Variants in LHFPL3 observed in about 807,000 individuals in gnomAD.
LHFPL3 encodes LHFPL tetraspan subfamily member 3 protein.
A neutral mutation model predicts 19.3 loss-of-function variants in LHFPL3; 5 were observed. That is an observed-to-expected ratio of 0.26 (90% CI 0.14 to 0.54). LHFPL3 has a LOEUF of 0.54. LHFPL3 is among the 20% of genes least tolerant of loss of function. The pLI is 0.94. For synonymous variants in LHFPL3, 133 were observed against 126.2 expected (o/e 1.05, Z -0.36); for missense variants, 249 against 307.4 (o/e 0.81, Z 1.42).
chr7:104,827,129 G>C (rs2116545052), intron 2 of LHFPL3, among the ~76,000 whole-genome samples: 1 of 152,026 alleles, frequency 6.6e-6, no homozygotes, highest in East Asian at 1.9e-4. Context: ...CAAAACCCAG[G>C]CTTCTTGATT....
At chr7:104,433,440 T>G (rs1341096729) in intron 1 of LHFPL3, among the ~76,000 whole-genome samples, 1 of 152,110 alleles carries the variant, frequency 6.6e-6, no homozygotes, top group East Asian at 1.9e-4. Flanking sequence ...TCCCCTTACT[T>G]CCCAGCTAAA....
chr7:104,443,438 A>G (rs1241286831), intron 1 of LHFPL3, among the ~76,000 whole-genome samples: 1 of 152,178 alleles, frequency 6.6e-6, no homozygotes, highest in Non-Finnish European at 1.5e-5. Flanking sequence ...ATCAAGCGCC[A>G]CTAGACATCT....
rs375683717 is a variant in LHFPL3, at chr7:104,457,513, G to A, written c.445+128289G>A. 6.9e-3 allele frequency among the ~76,000 whole-genome samples: 1,043 copies of A among 151,300 alleles called. 36 individuals are homozygous for A. In the East Asian group the frequency reaches 0.12, roughly 17 times the overall value. On this transcript the variant is annotated intron_variant, in intron 1 of 2. Transcript: ENST00000424859. The stretch of plus-strand genomic sequence containing the variant: ...CCACATTTTCTTAATCCAGTCTATC[G>A]TTGTTGGACATTTGGGTTGGTTCCA...
intron 2 of LHFPL3, among the ~76,000 whole-genome samples, chr7:104,840,463 A>G (rs946430304): frequency 3.4e-5 from 4 of 118,450 alleles, no homozygotes; most frequent in Admixed American, 8.9e-5. Context: ...CACCATGCTA[A>G]TTTTCTTTTC....
chr7:104,539,016 AG>A (rs1359167458), intron 1 of LHFPL3, among the ~76,000 whole-genome samples: 1 of 152,202 alleles, frequency 6.6e-6, no homozygotes, highest in Non-Finnish European at 1.5e-5. Flanking sequence ...ATTGGCCACA[AG>A]TCAAGGAATT....
At chr7:104,444,755 G>A (rs932673086) in intron 1 of LHFPL3, among the ~76,000 whole-genome samples, 15 of 152,122 alleles carry the variant, frequency 9.9e-5, no homozygotes, top group South Asian at 2.1e-4. Context: ...TTGGGAGGCC[G>A]AGGCAGGCAG....
intron 1 of LHFPL3, among the ~76,000 whole-genome samples, chr7:104,465,925 G>A (rs1792774623): frequency 6.6e-6 from 1 of 152,184 alleles, no homozygotes; most frequent in African/African-American, 2.4e-5. Context: ...ATTTCACTGT[G>A]ATCTGAGGGT....
At chr7:104,622,212 G>A (rs2193210) in intron 1 of LHFPL3, among the ~76,000 whole-genome samples, 150,932 of 152,280 alleles carry the variant, frequency 0.99, 74,803 homozygotes, top group South Asian at 1. Flanking sequence ...GGCTCAGCCA[G>A]TCCTCTCACC....
intron 1 of LHFPL3, among the ~76,000 whole-genome samples, chr7:104,365,790 A>AAAAAATAAATAAATAAATAAATAAAAT (rs1562875960): frequency 7.3e-6 from 1 of 137,834 alleles, no homozygotes; most frequent in South Asian, 2.3e-4. Context: ...TCCGTCTCAA[A>AAAAAATAAATAAATAAATAAATAAAAT]AAAAAAAAAA....
intron 1 of LHFPL3, among the ~76,000 whole-genome samples, chr7:104,589,339 CA>C (rs1196173890): frequency 6.6e-6 from 1 of 152,128 alleles, no homozygotes; most frequent in Non-Finnish European, 1.5e-5. Context: ...TGAATTTTGT[CA>C]AAGGACTTTT....
chr7:104,794,346 A>G (rs78081767), intron 2 of LHFPL3, among the ~76,000 whole-genome samples: 38,133 of 152,108 alleles, frequency 0.25, 5,520 homozygotes, highest in South Asian at 0.39. Context: ...AAGAACAATC[A>G]AAACATGGGC....
intron 1 of LHFPL3, among the ~76,000 whole-genome samples, chr7:104,448,367 C>T (rs1407431165): frequency 6.6e-6 from 1 of 152,172 alleles, no homozygotes; most frequent in Non-Finnish European, 1.5e-5. Context: ...TCTTCCTTGG[C>T]AGGCACAGAC....
intron 1 of LHFPL3, among the ~76,000 whole-genome samples, chr7:104,607,337 C>G (rs1044619778): frequency 3.9e-5 from 6 of 152,192 alleles, no homozygotes; most frequent in Admixed American, 1.3e-4. Flanking sequence ...AATGGAGTTT[C>G]AATCACAGAG....
chr7:104,492,663 T>G (rs1386604577), intron 1 of LHFPL3, among the ~76,000 whole-genome samples: 3 of 152,274 alleles, frequency 2.0e-5, no homozygotes, highest in African/African-American at 7.2e-5. Flanking sequence ...GAAAATTTAT[T>G]CTGCTTTCAC....
intron 2 of LHFPL3, among the ~76,000 whole-genome samples, chr7:104,742,872 G>C (rs1393851387): frequency 6.6e-6 from 1 of 151,968 alleles, no homozygotes; most frequent in East Asian, 1.9e-4. Context: ...AAAGTCAAAG[G>C]GGATGGGAGG....
At chr7:104,812,939 C>A (rs1172285543) in intron 2 of LHFPL3, among the ~76,000 whole-genome samples, 1 of 151,760 alleles carries the variant, frequency 6.6e-6, no homozygotes, top group African/African-American at 2.4e-5. Flanking sequence ...TGGTGAAACC[C>A]CTTCTCTACT....
At chr7:104,400,966 A>G (rs1791302083) in intron 1 of LHFPL3, among the ~76,000 whole-genome samples, 1 of 152,232 alleles carries the variant, frequency 6.6e-6, no homozygotes, top group Admixed American at 6.5e-5. Flanking sequence ...GAGCTAACAA[A>G]TGTTATTTGA....
intron 1 of LHFPL3, among the ~76,000 whole-genome samples, chr7:104,627,338 T>C (rs75584391): frequency 2.4e-4 from 36 of 152,330 alleles, no homozygotes; most frequent in African/African-American, 8.7e-4. Flanking sequence ...CATTTCATTG[T>C]GTTTATATAC....
At chr7:104,870,062 A>G (rs1791802630) in intron 2 of LHFPL3, among the ~76,000 whole-genome samples, 1 of 146,486 alleles carries the variant, frequency 6.8e-6, no homozygotes, top group Admixed American at 6.8e-5. Context: ...GGACACAGGA[A>G]GGGGAACATC....
Sources: gnomAD v4.1 joint callset for allele counts (sites outside exome capture counted in the v4.1 genomes callset) on GRCh38, gnomAD v4.1.1 for gene constraint, MANE v1.5 for transcripts, NCBI Gene and HGNC (gene_info 2026-07-23, HGNC 2026-07-21) for gene names.